The following WDFY4 variants were observed in gnomAD, a reference collection of about 807,000 sequenced individuals.
WDFY4 encodes WD repeat- and FYVE domain-containing protein 4.
WDFY4 carries 169 observed loss-of-function variants against 351.9 expected under a neutral mutation model. That is an observed-to-expected ratio of 0.48 (90% confidence interval 0.42 to 0.55). The LOEUF is 0.55. WDFY4 is among the 20% of genes least tolerant of loss of function. The pLI, the probability that WDFY4 is intolerant of heterozygous loss-of-function variation, is 0.00. For synonymous variants in WDFY4, 1,622 were observed against 1,574.6 expected (o/e 1.03, Z -0.71); for missense variants, 3,803 against 3,935.6 (o/e 0.97, Z 0.90).
At chr10:48,929,433 A>C (rs925557864) in intron 47 of WDFY4, among the ~76,000 whole-genome samples, 7 of 152,156 alleles carry the variant, frequency 4.6e-5, no homozygotes, top group Admixed American at 1.3e-4. Flanking sequence ...GAGTGTGGGC[A>C]TCAGGGGGCA....
intron 2 of WDFY4, among the ~76,000 whole-genome samples, chr10:48,711,006 T>C (rs2063755064): frequency 6.6e-6 from 1 of 152,224 alleles, no homozygotes; most frequent in African/African-American, 2.4e-5. Context: ...AGCGTATACC[T>C]ACAAAATATT....
chr10:48,861,332 T>C (rs2069335692), intron 39 of WDFY4, among the ~76,000 whole-genome samples: 2 of 152,192 alleles, frequency 1.3e-5, no homozygotes, highest in South Asian at 4.1e-4. Context: ...CTTTTATCAT[T>C]TACCTTCTGT....
intron 40 of WDFY4, among the ~76,000 whole-genome samples, chr10:48,872,239 T>A (rs1483576709): frequency 6.6e-6 from 1 of 152,262 alleles, no homozygotes; most frequent in Non-Finnish European, 1.5e-5. Context: ...GTCTTCCAGT[T>A]TTTTGAAATG....
intron 47 of WDFY4, among the ~76,000 whole-genome samples, chr10:48,904,987 C>G (rs1176032494): frequency 1.3e-5 from 2 of 152,208 alleles, no homozygotes; most frequent in Non-Finnish European, 2.9e-5. Context: ...CCGCAGCACT[C>G]ATGGGCTGCA....
intron 39 of WDFY4, among the ~76,000 whole-genome samples, chr10:48,841,038 A>G (rs940423339): frequency 6.6e-6 from 1 of 152,220 alleles, no homozygotes; most frequent in Non-Finnish European, 1.5e-5. Flanking sequence ...AATGCTTTTG[A>G]TTTCTTAGGA....
At chr10:48,879,925 T>C (rs766284043) in intron 43 of WDFY4, among the ~76,000 whole-genome samples, 15 of 152,186 alleles carry the variant, frequency 9.9e-5, no homozygotes, top group South Asian at 8.3e-4. Context: ...TGCTGCTGCC[T>C]AGGGCGCAGG....
At position 48,805,254 on chromosome 10, in the gene WDFY4, C is replaced by G. The variant is rs1430979063; in HGVS notation, c.4485-6C>G. The G allele has an allele frequency of 6.5e-6, 10 of 1,541,758 alleles. No homozygotes were observed. Among genetic ancestry groups the G allele is most frequent in the Non-Finnish European group, 7.8e-6 (9 of 1,146,818 alleles). Reference sequence around the variant, plus strand: ...GCTTTTACTGTCTCTCTCCTGTACTCACCAGGGAAGGACCCAGGAATGCTG... The same window carrying G: ...GCTTTTACTGTCTCTCTCCTGTACTGACCAGGGAAGGACCCAGGAATGCTG... On this transcript the variant is annotated splice_polypyrimidine_tract_variant and splice_region_variant and intron_variant, in intron 25 of 61. Transcript: ENST00000325239.
At chr10:48,773,231 G>C (rs1288170446) in intron 13 of WDFY4, among the ~76,000 whole-genome samples, 1 of 152,244 alleles carries the variant, frequency 6.6e-6, no homozygotes, top group East Asian at 1.9e-4. Flanking sequence ...GTGGAGGGCA[G>C]TTCTGCAGAG....
At chr10:48,691,315 G>A (rs1390355385) in intron 1 of WDFY4, among the ~76,000 whole-genome samples, 2 of 152,162 alleles carry the variant, frequency 1.3e-5, no homozygotes, top group East Asian at 1.9e-4. Flanking sequence ...TCCTCCCAAG[G>A]CGCAGGAGCC....
chr10:48,796,571 G>A (rs747390400), intron 24 of WDFY4, 121 bp downstream of exon 24: 12 of 1,375,786 alleles, frequency 8.7e-6, no homozygotes, highest in African/African-American at 2.9e-5. Context: ...GTAGGGAGAG[G>A]GAAAACCAAA....
intron 32 of WDFY4, among the ~76,000 whole-genome samples, chr10:48,818,170 G>A (rs2067687577): frequency 2.6e-5 from 4 of 152,230 alleles, no homozygotes. Flanking sequence ...GGATTAGGAA[G>A]TGGAGACCCA....
chr10:48,786,689 C>T lies in WDFY4; in HGVS notation c.3627C>T (p.Ser1209=), dbSNP rs978113399. ...GGCCTTTCCTTTCTATGGATCCATC[C>T]GCATTTGTGGATGTTTATGGATATA... ...LPGPFLSMDP[S]AFVDVYGYIA... Residue 1209 remains serine, a synonymous_variant, in exon 20 of 62, where the codon TCC becomes TCT. Coordinates refer to ENST00000325239, the MANE Select transcript of WDFY4 (RefSeq NM_001394531.1). 1.0e-5 allele frequency: 16 copies of T among 1,552,058 alleles called. No homozygotes were observed. The highest frequency in any genetic ancestry group is 2.4e-5 in the East Asian group (1 of 40,928).
chr10:48,743,402 C>G lies in WDFY4; in HGVS notation c.2313C>G (p.Asp771Glu). The change falls in exon 12 of 62, where the codon GAC becomes GAG. Residue 771 changes from aspartate (D) to glutamate (E), a missense_variant. Physicochemically the swap from Asp to Glu is conservative, Grantham distance 45. Transcript: ENST00000325239. ...GCCTCCAGATCCTTGGCTTTCTGGA[C>G]AGCATGGCCAGCGGCACCCTCCACT... ...QSCLQILGFLDSMASGTLHLR... is the reference protein window; with the variant it reads ...QSCLQILGFLESMASGTLHLR... 6.4e-7 allele frequency: 1 copy of G among 1,551,638 alleles called. No individual in the cohort carries two copies. The highest frequency in any genetic ancestry group is 8.7e-7 in the Non-Finnish European group (1 of 1,147,006).
intron 39 of WDFY4, among the ~76,000 whole-genome samples, chr10:48,834,603 A>T: frequency 6.6e-6 from 1 of 152,192 alleles, no homozygotes; most frequent in East Asian, 1.9e-4. Flanking sequence ...CCTGCTCCTG[A>T]CCAGTGTCAC....
Position 48,900,260 on chromosome 10 carries a change from A to C in WDFY4, c.7477A>C (p.Lys2493Gln), listed in dbSNP as rs781767696. 1.1e-5 allele frequency: 17 copies of C among 1,551,608 alleles called. No individual in the cohort carries two copies. In the South Asian group the frequency reaches 2.0e-4, roughly 18 times the overall value. Residue 2493 changes from lysine to glutamine, a missense_variant, in exon 46 of 62, where the codon AAG becomes CAG. Transcript: ENST00000325239. ...GATCTTCTTCCACAATGGATATTCCAAGTTTCTTGTCTTCTACAACAATGA... is the reference window on the plus strand; with the variant it reads ...GATCTTCTTCCACAATGGATATTCCCAGTTTCTTGTCTTCTACAACAATGA... ...LEIFFHNGYS[K>Q]FLVFYNNDRS...
chr10:48,885,657 A>G (rs181498333), intron 43 of WDFY4, among the ~76,000 whole-genome samples: 3 of 152,198 alleles, frequency 2.0e-5, no homozygotes, highest in Admixed American at 6.5e-5. Flanking sequence ...TCCTTTCTAT[A>G]TTTCCCAAAT....
intron 24 of WDFY4, among the ~76,000 whole-genome samples, chr10:48,800,730 C>CTTTCTTTCTTTCT (rs1555016198): frequency 6.5e-5 from 6 of 92,794 alleles, no homozygotes; most frequent in East Asian, 3.1e-4. Context: ...TTCATTCTTT[C>CTTTCTTTCTTTCT]TTTTTTTTTT....
At chr10:48,893,784 G>A (rs1437856731) in intron 44 of WDFY4, among the ~76,000 whole-genome samples, 1 of 152,148 alleles carries the variant, frequency 6.6e-6, no homozygotes, top group Non-Finnish European at 1.5e-5. Context: ...TCAAAGAACA[G>A]GTCAACCAAT....
intron 13 of WDFY4, among the ~76,000 whole-genome samples, chr10:48,767,661 A>C (rs931512942): frequency 3.3e-5 from 5 of 152,182 alleles, no homozygotes; most frequent in Admixed American, 1.3e-4. Context: ...TGAGCGAGGG[A>C]TCAGAATCCA....
Sources: allele counts gnomAD v4.1 joint callset (sites outside exome capture counted in the v4.1 genomes callset), GRCh38; gene constraint gnomAD v4.1.1; transcripts MANE v1.5; gene names NCBI Gene and HGNC (gene_info 2026-07-23, HGNC 2026-07-21).